The following S100PBP variants were observed in gnomAD, a reference collection of about 807,000 sequenced individuals.
S100PBP encodes the protein S100P binding protein, also known as S100P-binding protein.
In S100PBP, 15 loss-of-function variants were observed where a neutral mutation model predicts 39.9. The observed-to-expected ratio is 0.38, with a 90% CI of 0.25 to 0.58. The LOEUF is 0.58. S100PBP is among the 20% of genes least tolerant of loss of function. The pLI is 0.70. For synonymous variants in S100PBP, 178 were observed against 180.3 expected (o/e 0.99, Z 0.10); for missense variants, 504 against 487.3 (o/e 1.03, Z -0.32).
intron 5 of S100PBP, among the ~76,000 whole-genome samples, chr1:32,850,903 CAG>C (rs748962451): frequency 2.6e-5 from 4 of 152,334 alleles, no homozygotes; most frequent in Non-Finnish European, 2.9e-5. Flanking sequence ...ACAGGATTTG[CAG>C]AGTCTTTGCA....
intron 5 of S100PBP, chr1:32,836,559 A>G (rs1414473403): frequency 2.0e-6 from 2 of 983,192 alleles, no homozygotes; most frequent in African/African-American, 3.5e-5. Flanking sequence ...TTATGGCTTC[A>G]TTTTCTTTCT....
At chr1:32,842,236 T>TACACACACC (rs1553132300) in intron 5 of S100PBP, among the ~76,000 whole-genome samples, 2 of 80,854 alleles carry the variant, frequency 2.5e-5, no homozygotes, top group African/African-American at 9.4e-5. Flanking sequence ...TATATATATA[T>TACACACACC]ACACACACAC....
upstream of S100PBP, chr1:32,817,597 G>A (rs1001184188): frequency 9.4e-6 from 4 of 423,490 alleles, no homozygotes; most frequent in East Asian, 1.2e-4. Flanking sequence ...CGGCTGACTC[G>A]GGGTAGGGGA....
rs77744097 is a variant in S100PBP at position 32,829,318 on chromosome 1, A to G, written c.921-646A>G. On this transcript the variant is annotated intron_variant, in intron 4 of 6. Coordinates refer to ENST00000373475, the MANE Select transcript of S100PBP (RefSeq NM_022753.4). The stretch of plus-strand genomic sequence containing the variant: ...TTCTTTTCAGTCTTTATCCCATTTA[A>G]CTTTTCAGTTTCACTCTAGAAAGCT... Among the ~76,000 whole-genome samples the G allele has an allele frequency of 6.7e-3, 1,013 of 152,250 alleles. 15 individuals carry two copies. Among genetic ancestry groups the G allele is most frequent in the African/African-American group, 0.023 (954 of 41,534 alleles).
At chr1:32,838,609 G>A (rs1177545378) in intron 5 of S100PBP, among the ~76,000 whole-genome samples, 1 of 152,130 alleles carries the variant, frequency 6.6e-6, no homozygotes, top group Non-Finnish European at 1.5e-5. Context: ...TTGGGAGGCT[G>A]GGGTGGGCAG....
At chr1:32,850,911 T>C (rs566732544) in intron 5 of S100PBP, among the ~76,000 whole-genome samples, 1 of 152,348 alleles carries the variant, frequency 6.6e-6, no homozygotes, top group African/African-American at 2.4e-5. Context: ...TGCAGAGTCT[T>C]TGCAAGCTAA....
intron 5 of S100PBP, among the ~76,000 whole-genome samples, chr1:32,840,444 C>A (rs923416711): frequency 1.3e-5 from 2 of 152,168 alleles, no homozygotes; most frequent in Non-Finnish European, 2.9e-5. Context: ...CAACCTCCCC[C>A]TCCTGGGTTC....
chr1:32,822,338 C>T (rs1017247035), intron 1 of S100PBP, among the ~76,000 whole-genome samples: 2 of 152,086 alleles, frequency 1.3e-5, no homozygotes, highest in African/African-American at 2.4e-5. Context: ...AATGGCCGGG[C>T]GCGGTGGCTC....
At chr1:32,833,161 G>A (rs956693722) in intron 5 of S100PBP, among the ~76,000 whole-genome samples, 1 of 151,990 alleles carries the variant, frequency 6.6e-6, no homozygotes, top group Admixed American at 6.6e-5. Flanking sequence ...CCAAGTGACC[G>A]TTTAGCCTTT....
chr1:32,842,202 A>AATATAT (rs1640132859), intron 5 of S100PBP, among the ~76,000 whole-genome samples: 1 of 84,890 alleles, frequency 1.2e-5, no homozygotes, highest in South Asian at 3.6e-4. Context: ...AAAAAAAAAA[A>AATATAT]ACATATATAT....
Position 32,826,308 on chromosome 1 carries a change from AG to A in S100PBP, c.210del (p.Glu70AspfsTer38). 6.2e-7 allele frequency: 1 copy of A among 1,614,136 alleles called. No homozygotes were observed. Among genetic ancestry groups the A allele is most frequent in the East Asian group, 2.2e-5 (1 of 44,880 alleles). ...ALLKEDDPSY[E>X]QSSGEDDGGH... ...TTGAAGGAAGATGACCCATCATATG[AG>A]CAGTCTTCTGGGGAAGATGATGGTG... On this transcript the variant is annotated frameshift_variant, in exon 3 of 7. Coordinates refer to ENST00000373475, the MANE Select transcript of S100PBP (RefSeq NM_022753.4). LOFTEE classifies it high-confidence loss of function.
intron 1 of S100PBP, among the ~76,000 whole-genome samples, chr1:32,821,303 A>G (rs368645356): frequency 3.3e-5 from 5 of 152,174 alleles, no homozygotes; most frequent in African/African-American, 1.2e-4. Flanking sequence ...ATCCATACAT[A>G]ATACGTGGTA....
intron 5 of S100PBP, among the ~76,000 whole-genome samples, chr1:32,841,598 G>A: frequency 6.6e-6 from 1 of 151,578 alleles, no homozygotes; most frequent in East Asian, 1.9e-4. Flanking sequence ...GCGTAGTGGC[G>A]CATGCCTGTA....
At chr1:32,830,566 A>T (rs147828261) in intron 5 of S100PBP, among the ~76,000 whole-genome samples, 9 of 152,328 alleles carry the variant, frequency 5.9e-5, no homozygotes, top group African/African-American at 2.2e-4. Flanking sequence ...TCCCCACTTC[A>T]TTAGAAGATA....
At chr1:32,853,004 T>C in intron 5 of S100PBP, 75 bp from the exon 6 acceptor site, 1 of 1,009,532 alleles carries the variant, frequency 9.9e-7, no homozygotes, top group East Asian at 2.4e-5. Flanking sequence ...TCTCTTTCCC[T>C]GAAAACACAT....
intron 4 of S100PBP, among the ~76,000 whole-genome samples, chr1:32,829,004 A>G (rs1639469228): frequency 1.3e-5 from 2 of 152,170 alleles, no homozygotes; most frequent in African/African-American, 4.8e-5. Flanking sequence ...TAAAAAATAA[A>G]ATAAAAATTT....
rs951217367 is a variant in S100PBP, at chr1:32,857,217, A to G, written c.*1179A>G. On this transcript the variant is annotated 3_prime_UTR_variant, in exon 7 of 7. Coordinates refer to ENST00000373475, the MANE Select transcript of S100PBP (RefSeq NM_022753.4). Reference sequence around the variant, plus strand: ...GGATGTAATATAGTTGTGACAGCCTATGCACAAAAGCATTACCTGATCTTA... The same window carrying G: ...GGATGTAATATAGTTGTGACAGCCTGTGCACAAAAGCATTACCTGATCTTA... 2.6e-5 allele frequency: 4 copies of G among 152,224 alleles called. No homozygotes were observed. The highest frequency in any genetic ancestry group is 9.7e-5 in the African/African-American group (4 of 41,448). The allele number at this position is 152,224 out of a possible 1,614,324, so 9.4% of individuals were successfully genotyped here.
intron 1 of S100PBP, among the ~76,000 whole-genome samples, chr1:32,821,149 T>G (rs1000945989): frequency 1.3e-5 from 2 of 151,820 alleles, no homozygotes; most frequent in Admixed American, 6.6e-5. Context: ...TCTTAAGAAA[T>G]AAAACATTGG....
In S100PBP at chr1:32,827,203, C is replaced by T. The variant is rs1205841716; in HGVS notation, c.831+273C>T. On this transcript the variant is annotated intron_variant, in intron 3 of 6. Transcript: ENST00000373475. ...ATCTAAATTGGAGTAAATAATACTT[C>T]ATAGTATAATAAGGATTAATGAAAT... 2.0e-5 allele frequency among the ~76,000 whole-genome samples: 3 copies of T among 152,262 alleles called. No individual in the cohort carries two copies. The East Asian group carries it at 5.8e-4, about 29-fold the overall frequency.
Sources: gnomAD v4.1 joint callset for allele counts (sites outside exome capture counted in the v4.1 genomes callset) on GRCh38, gnomAD v4.1.1 for gene constraint, MANE v1.5 for transcripts, NCBI Gene and HGNC (gene_info 2026-07-23, HGNC 2026-07-21) for gene names.